STIMATE: variants seen among roughly 807,000 people sequenced by gnomAD.
STIMATE encodes the protein store-operated calcium entry regulator STIMATE.
STIMATE carries 15 observed loss-of-function variants against 36.7 expected under a neutral mutation model. The observed-to-expected ratio is 0.41, with a 90% confidence interval of 0.27 to 0.63. The LOEUF (loss-of-function observed/expected upper bound fraction) is 0.63. Among genes scored for constraint, STIMATE ranks in the 20% least tolerant of loss-of-function variants. The probability of loss-of-function intolerance (pLI) is 0.32; values close to 1 mark genes in which losing one functional copy is unlikely to be tolerated. For synonymous variants in STIMATE, 163 were observed against 162.3 expected, an observed-to-expected ratio of 1.00 and a Z score of -0.03; for missense variants, 305 against 397.3, an observed-to-expected ratio of 0.77 and a Z score of 1.98.
rs189270814 is a variant in STIMATE at position 52,876,593 on chromosome 3, A to G, written c.160+20698T>C. On this transcript the variant is annotated intron_variant, in intron 1 of 7. Transcript: ENST00000355083. ...CTCCTCGGCTTTCAATTTGAAGATC[A>G]AGAGGATGAAAACCATTACGAACAC... is the stretch of plus-strand genomic sequence containing the variant. Among the ~76,000 whole-genome samples, 3 of 152,352 alleles carry G rather than the reference A, an allele frequency of 2.0e-5. No individual in the cohort carries two copies. The East Asian group carries it at 5.8e-4, about 29-fold the overall frequency.
rs1700753681 is a variant in STIMATE, at chr3:52,839,060, C to A, written c.*1434G>T. 1.8e-4 allele frequency: 1 copy of A among 5,660 alleles called. No individual in the cohort carries two copies. Among genetic ancestry groups the A allele is most frequent in the African/African-American group, 1.9e-4 (1 of 5,312 alleles). The allele number at this position is 5,660 out of a possible 1,614,324, so 0.4% of individuals were successfully genotyped here. ...GGAAACGGCTGGGGTCAGCCCATTC[C>A]ACAGTCACTCAGCAAACTCCCAAAA... On this transcript the variant is annotated 3_prime_UTR_variant, in exon 8 of 8. Coordinates refer to ENST00000355083, the MANE Select transcript of STIMATE (RefSeq NM_198563.5).
intron 5 of STIMATE, 49 bp from the exon 6 acceptor site, chr3:52,843,847 G>A: frequency 6.2e-7 from 1 of 1,607,948 alleles, no homozygotes; most frequent in Non-Finnish European, 8.5e-7. Context: ...CACCGAGAGT[G>A]TGCCTGGGGT....
intron 1 of STIMATE, among the ~76,000 whole-genome samples, chr3:52,859,972 T>C (rs1701187552): frequency 1.3e-5 from 2 of 151,126 alleles, no homozygotes; most frequent in South Asian, 2.1e-4. Flanking sequence ...TTCTTCTGAA[T>C]CAGAGCAGAA....
chr3:52,895,377 C>G (rs894078050), intron 1 of STIMATE, among the ~76,000 whole-genome samples: 3 of 152,162 alleles, frequency 2.0e-5, no homozygotes, highest in African/African-American at 7.2e-5. Flanking sequence ...ATTTCTGTGT[C>G]AGGGCAGACA....
intron 4 of STIMATE, among the ~76,000 whole-genome samples, chr3:52,849,508 T>C (rs1220045695): frequency 6.6e-6 from 1 of 152,192 alleles, no homozygotes; most frequent in Non-Finnish European, 1.5e-5. Flanking sequence ...ACTGCTGGTG[T>C]CTTCCATTAG....
At chr3:52,885,753 G>A (rs1236591192) in intron 1 of STIMATE, among the ~76,000 whole-genome samples, 2 of 152,190 alleles carry the variant, frequency 1.3e-5, no homozygotes, top group African/African-American at 4.8e-5. Context: ...TCTCAATGCA[G>A]CGAGACTGCT....
chr3:52,867,202 G>A (rs1166708564), intron 1 of STIMATE, among the ~76,000 whole-genome samples: 3 of 152,216 alleles, frequency 2.0e-5, no homozygotes, highest in Admixed American at 6.5e-5. Flanking sequence ...AAAATCCACC[G>A]AGGCAATTCA....
chr3:52,881,718 A>G (rs1701608617), intron 1 of STIMATE, among the ~76,000 whole-genome samples: 1 of 151,982 alleles, frequency 6.6e-6, no homozygotes, highest in South Asian at 2.1e-4. Flanking sequence ...AATAAATAAG[A>G]AAGAACTCAG....
At position 52,838,650 on chromosome 3, in the gene STIMATE, C is replaced by T. The variant is rs920914711; in HGVS notation, c.*1844G>A. On this transcript the variant is annotated 3_prime_UTR_variant, in exon 8 of 8. Coordinates refer to ENST00000355083, the MANE Select transcript of STIMATE (RefSeq NM_198563.5). ...GCAAAGTTGCCTCCTACTGTAGTTA[C>T]AGTCCCTGCTCCTCTCAGCACCCTG... 16 of 152,252 alleles carry T rather than the reference C, an allele frequency of 1.1e-4. No individual in the cohort carries two copies. Among genetic ancestry groups the T allele is most frequent in the African/African-American group, 3.6e-4 (15 of 41,450 alleles). The allele number at this position is 152,252 out of a possible 1,614,324, so 9.4% of individuals were successfully genotyped here. A position where few individuals can be genotyped will look rare whatever the true frequency, so the allele number is the denominator to read the frequency against.
At chr3:52,887,046 C>T (rs1701696481) in intron 1 of STIMATE, among the ~76,000 whole-genome samples, 1 of 152,016 alleles carries the variant, frequency 6.6e-6, no homozygotes, top group Non-Finnish European at 1.5e-5. Flanking sequence ...AGCAATGTGG[C>T]AATTAAATGT....
In STIMATE at chr3:52,844,927, A is replaced by G; in HGVS notation, c.442T>C (p.Cys148Arg). The G allele has an allele frequency of 6.2e-7, 1 of 1,613,936 alleles. No individual in the cohort carries two copies. The highest frequency in any genetic ancestry group is 8.5e-7 in the Non-Finnish European group (1 of 1,179,934). ...GCGCACTGCCCGACCCAGGCTCCAC[A>G]CTGCAGAGGGTCTCCTGCAGGGACA... ...RFGEYGDPLQCGAWVGQCALY... is the reference protein window; with the variant it reads ...RFGEYGDPLQRGAWVGQCALY... The change falls in exon 5 of 8, where the codon TGT becomes CGT. Residue 148 changes from cysteine to arginine, a missense_variant. Physicochemically the swap from Cys to Arg is radical, Grantham distance 180 (BLOSUM62 -3). Coordinates refer to ENST00000355083, the MANE Select transcript of STIMATE (RefSeq NM_198563.5).
chr3:52,854,731 G>A (rs1207179128), intron 2 of STIMATE, among the ~76,000 whole-genome samples: 1 of 152,176 alleles, frequency 6.6e-6, no homozygotes, highest in Admixed American at 6.5e-5. Context: ...GATACCCTGA[G>A]GACCCCACTA....
intron 1 of STIMATE, among the ~76,000 whole-genome samples, chr3:52,879,447 C>G (rs548430280): frequency 6.6e-6 from 1 of 152,326 alleles, no homozygotes; most frequent in Non-Finnish European, 1.5e-5. Flanking sequence ...TGAGGTTCTT[C>G]TCACAGCTAC....
intron 1 of STIMATE, among the ~76,000 whole-genome samples, chr3:52,857,695 T>C (rs1326187405): frequency 6.6e-6 from 1 of 151,036 alleles, no homozygotes; most frequent in Non-Finnish European, 1.5e-5. Context: ...TATTACATTA[T>C]AAATGGTTTT....
chr3:52,878,508 C>G (rs576177632), intron 1 of STIMATE, among the ~76,000 whole-genome samples: 1 of 152,276 alleles, frequency 6.6e-6, no homozygotes, highest in Admixed American at 6.5e-5. Context: ...CACCTCTGCT[C>G]CCTGGTCTAG....
rs763339836 is a variant in STIMATE at position 52,849,927 on chromosome 3, G to A, written c.306-14C>T. On this transcript the variant is annotated splice_polypyrimidine_tract_variant and intron_variant, in intron 3 of 7. Coordinates refer to ENST00000355083, the MANE Select transcript of STIMATE (RefSeq NM_198563.5). The stretch of plus-strand genomic sequence containing the variant: ...TTGATGAGGTACCTGTGAGGACAGG[G>A]CACATGCATGGTCACGGCAGAAGCC... The A allele has an allele frequency of 9.9e-6, 16 of 1,610,704 alleles. No homozygotes were observed. The Admixed American group carries it at 2.7e-4, about 27-fold the overall frequency.
intron 1 of STIMATE, among the ~76,000 whole-genome samples, chr3:52,880,945 T>C (rs140221442): frequency 5.3e-4 from 80 of 152,284 alleles, no homozygotes; most frequent in African/African-American, 1.9e-3. Context: ...TCCCAGCACT[T>C]TGGGAGGCCA....
At chr3:52,896,000 C>G (rs773597452) in intron 1 of STIMATE, 1 of 1,250,186 alleles carries the variant, frequency 8.0e-7, no homozygotes, top group South Asian at 1.2e-5. Context: ...AAAAGCAAGG[C>G]AAGTTGGGAC....
At chr3:52,845,337 C>A (rs533029528) in intron 4 of STIMATE, among the ~76,000 whole-genome samples, 1 of 152,218 alleles carries the variant, frequency 6.6e-6, no homozygotes, top group Admixed American at 6.5e-5. Context: ...GGCTGCCCCT[C>A]CCTTCTCTGT....
Sources: allele counts gnomAD v4.1 joint callset (sites outside exome capture counted in the v4.1 genomes callset), GRCh38; gene constraint gnomAD v4.1.1; transcripts MANE v1.5; gene names NCBI Gene and HGNC (gene_info 2026-07-23, HGNC 2026-07-21).